The following SLC30A9 variants were observed in gnomAD, a reference collection of about 807,000 sequenced individuals.
The protein encoded by SLC30A9 is solute carrier family 30 member 9.
A neutral mutation model predicts 87.5 loss-of-function variants in SLC30A9; 58 were observed. The ratio of observed to expected loss-of-function variants is 0.66; its 90% CI spans 0.54 to 0.82. The LOEUF is 0.82. Among genes scored for constraint, SLC30A9 ranks in the 40% least tolerant of loss-of-function variants. The pLI is 0.00. For missense variants in SLC30A9, 557 were observed against 679.1 expected (o/e 0.82, Z 2.00); for synonymous variants, 234 against 233.0 (o/e 1.00, Z -0.04).
At chr4:42,068,611 A>G (rs1718183831) in intron 14 of SLC30A9, among the ~76,000 whole-genome samples, 1 of 152,228 alleles carries the variant, frequency 6.6e-6, no homozygotes, top group Non-Finnish European at 1.5e-5. Flanking sequence ...GTTGTTCCCT[A>G]TAAAGTCGCA....
chr4:42,049,797 A>G (rs1405383707), intron 9 of SLC30A9, among the ~76,000 whole-genome samples: 1 of 152,162 alleles, frequency 6.6e-6, no homozygotes, highest in African/African-American at 2.4e-5. Flanking sequence ...AAGATGTAAA[A>G]TCATATGTAA....
At chr4:42,033,133 G>C (rs189951398) in intron 6 of SLC30A9, among the ~76,000 whole-genome samples, 10 of 151,976 alleles carry the variant, frequency 6.6e-5, no homozygotes, top group Admixed American at 6.6e-4. Flanking sequence ...ATACAGTTAG[G>C]CTCATTTGTT....
intron 6 of SLC30A9, among the ~76,000 whole-genome samples, chr4:42,032,653 C>G (rs1173270470): frequency 2.0e-5 from 3 of 152,002 alleles, no homozygotes; most frequent in African/African-American, 7.3e-5. Flanking sequence ...ATAGGAAGAT[C>G]AAGGAAGAGG....
Position 41,990,727 on chromosome 4 carries a change from A to T in SLC30A9, c.76A>T (p.Arg26Trp). 1 of 1,611,550 alleles carries T rather than the reference A, an allele frequency of 6.2e-7. No individual in the cohort carries two copies. The highest frequency in any genetic ancestry group is 2.2e-5 in the East Asian group (1 of 44,840). Residue 26 changes from arginine (R) to tryptophan (W), a missense_variant, in exon 1 of 18, where the codon AGG becomes TGG. Transcript: ENST00000264451. The part of the protein sequence containing the change: ...SSLCRLRLRC[R>W]AAACNPSDRQ... ...CCTGTGCCGGCTCCGTCTGCGATGC[A>T]GGGCGGCGGCCTGTAATCCCAGCGA...
At chr4:42,051,468 T>A (rs1260377244) in intron 9 of SLC30A9, among the ~76,000 whole-genome samples, 1 of 152,178 alleles carries the variant, frequency 6.6e-6, no homozygotes, top group Non-Finnish European at 1.5e-5. Flanking sequence ...GATGATAGAA[T>A]TAGCAGACAA....
rs1409165253 is a variant in SLC30A9, at chr4:42,023,307, T to C, written c.533T>C (p.Leu178Ser). 9.9e-6 allele frequency: 16 copies of C among 1,612,272 alleles called. No individual in the cohort carries two copies. The highest frequency in any genetic ancestry group is 1.4e-5 in the Non-Finnish European group (16 of 1,178,290). The change falls in exon 6 of 18, where the codon TTG (leucine) becomes TCG (serine). Residue 178 changes from leucine to serine, a missense_variant. Leu to Ser is a moderately radical substitution (Grantham distance 145). Around this residue, in one of 2 missense-constraint regions of SLC30A9, gnomAD observed 467 missense variants for 529.8 expected, o/e 0.88. Transcript: ENST00000264451. ...GACCATGTGTGTATGCACAGATCTTTGGAAGTTTGGGGAAGCCCTGAAGCT... is the reference window on the plus strand; with the variant it reads ...GACCATGTGTGTATGCACAGATCTTCGGAAGTTTGGGGAAGCCCTGAAGCT... ...YLRSDVEAKS[L>S]EVWGSPEALA...
intron 6 of SLC30A9, among the ~76,000 whole-genome samples, chr4:42,034,973 T>G (rs1168339831): frequency 6.6e-6 from 1 of 152,212 alleles, no homozygotes; most frequent in Non-Finnish European, 1.5e-5. Context: ...ATAGTAGCCA[T>G]CCTAATGGAT....
chr4:42,001,553 T>C (rs1714984235), intron 1 of SLC30A9, 63 bp from the exon 2 acceptor site: 1 of 1,040,074 alleles, frequency 9.6e-7, no homozygotes, highest in African/African-American at 1.6e-5. Flanking sequence ...GAGGGTGGCT[T>C]GGCAATTAAT....
At position 42,076,509 on chromosome 4, in the gene SLC30A9, G is replaced by A. The variant is rs191063070; in HGVS notation, c.1548+723G>A. ...GTATAAATGGTATCCTACTGTATGC[G>A]TCTCTACAATTGGCATAACAACATA... is the stretch of plus-strand genomic sequence containing the variant. On this transcript the variant is annotated intron_variant, in intron 16 of 17. Coordinates refer to ENST00000264451, the MANE Select transcript of SLC30A9 (RefSeq NM_006345.4). 1.3e-4 allele frequency among the ~76,000 whole-genome samples: 20 copies of A among 152,072 alleles called. No homozygotes were observed. The South Asian group carries it at 3.7e-3, about 28-fold the overall frequency.
rs149036453 is a variant in SLC30A9 at position 42,008,716 on chromosome 4, A to G, written c.274+6936A>G. On this transcript the variant is annotated intron_variant, in intron 2 of 17. Coordinates refer to ENST00000264451, the MANE Select transcript of SLC30A9 (RefSeq NM_006345.4). ...GGTGTCAGGAGAAGACAGTGTTTGA[A>G]GAATAATAAACATTTCAAGACCATT... Among the ~76,000 whole-genome samples, 583 of 152,368 alleles carry G rather than the reference A, an allele frequency of 3.8e-3. 7 individuals carry two copies. The highest frequency in any genetic ancestry group is 0.036 in the South Asian group (174 of 4,834).
At chr4:42,084,524 T>C (rs1718851387) in intron 17 of SLC30A9, among the ~76,000 whole-genome samples, 1 of 152,084 alleles carries the variant, frequency 6.6e-6, no homozygotes, top group African/African-American at 2.4e-5. Flanking sequence ...CAGGCTGGAG[T>C]GCAGTGGCAC....
intron 1 of SLC30A9, among the ~76,000 whole-genome samples, chr4:41,996,104 G>T (rs1292259374): frequency 6.6e-6 from 1 of 151,872 alleles, no homozygotes; most frequent in Non-Finnish European, 1.5e-5. Flanking sequence ...TATTTTTTGT[G>T]GTTTTTTTTG....
intron 9 of SLC30A9, among the ~76,000 whole-genome samples, chr4:42,057,872 G>A (rs994634388): frequency 4.6e-5 from 7 of 152,136 alleles, no homozygotes; most frequent in Non-Finnish European, 8.8e-5. Context: ...GGGAGGCTGA[G>A]GCGGGCGGAT....
In SLC30A9 at chr4:42,088,952, G is replaced by C. The variant is rs1719015568; in HGVS notation, c.*2826G>C. The C allele has an allele frequency of 6.6e-6, 1 of 151,822 alleles. No individual in the cohort carries two copies. Among genetic ancestry groups the C allele is most frequent in the Non-Finnish European group, 1.5e-5 (1 of 67,976 alleles). 9.4% of individuals were successfully genotyped at this position (151,822 alleles called of 1,614,324 possible). On this transcript the variant is annotated 3_prime_UTR_variant, in exon 18 of 18. Coordinates refer to ENST00000264451, the MANE Select transcript of SLC30A9 (RefSeq NM_006345.4). ...GATCCTGTCTCAAAAAGAGAATTTG[G>C]GTCTCTTTCTCCAAAAATAAGGCTA...
At chr4:42,067,609 T>C (rs1196742367) in intron 14 of SLC30A9, among the ~76,000 whole-genome samples, 2 of 152,228 alleles carry the variant, frequency 1.3e-5, no homozygotes, top group Admixed American at 6.5e-5. Flanking sequence ...CAAATAACAT[T>C]GTTTTGTTCA....
intron 16 of SLC30A9, among the ~76,000 whole-genome samples, chr4:42,077,206 T>C (rs1307936323): frequency 6.6e-6 from 1 of 152,210 alleles, no homozygotes; most frequent in African/African-American, 2.4e-5. Flanking sequence ...ATGATTGTAT[T>C]AATAGAGTTA....
chr4:42,018,895 C>A (rs1298765385), intron 3 of SLC30A9, among the ~76,000 whole-genome samples: 3 of 151,914 alleles, frequency 2.0e-5, no homozygotes, highest in African/African-American at 7.3e-5. Flanking sequence ...TCATTAATAA[C>A]CTGGGCCAGG....
intron 6 of SLC30A9, chr4:42,029,433 C>T (rs1716329556): frequency 1.6e-6 from 1 of 643,082 alleles, no homozygotes; most frequent in South Asian, 1.5e-5. Context: ...TATCAGGACC[C>T]CCACCAGGAT....
chr4:42,007,136 T>C (rs1715242251), intron 2 of SLC30A9, among the ~76,000 whole-genome samples: 1 of 152,010 alleles, frequency 6.6e-6, no homozygotes, highest in Non-Finnish European at 1.5e-5. Context: ...AGTAGGGTAA[T>C]AATAATGCTT....
Sources: gnomAD v4.1 joint callset for allele counts (sites outside exome capture counted in the v4.1 genomes callset) on GRCh38, gnomAD v4.1.1 for gene constraint, gnomAD v4.1.1 regional missense constraint, MANE v1.5 for transcripts, NCBI Gene and HGNC (gene_info 2026-07-23, HGNC 2026-07-21) for gene names.